Variants in CADM1 observed in about 807,000 individuals in gnomAD.
The protein encoded by CADM1 is TSLC-1.
In CADM1, 15 loss-of-function variants were observed where a neutral mutation model predicts 53.1. The observed-to-expected ratio is 0.28, with a 90% confidence interval of 0.19 to 0.44. The LOEUF (loss-of-function observed/expected upper bound fraction) is 0.44, where lower values mean the gene tolerates loss of function less well. Among genes scored for constraint, CADM1 ranks in the 20% least tolerant of loss-of-function variants. The pLI is 1.00. For synonymous variants in CADM1, 281 were observed against 243.0 expected, an observed-to-expected ratio of 1.16 and a Z score of -1.45; for missense variants, 434 against 611.3, an observed-to-expected ratio of 0.71 and a Z score of 3.06.
chr11:115,322,393 T>TA (rs1944846624), intron 1 of CADM1, among the ~76,000 whole-genome samples: 1 of 152,240 alleles, frequency 6.6e-6, no homozygotes, highest in Admixed American at 6.5e-5. Flanking sequence ...GTCAAGTATA[T>TA]ATAACACTTT....
chr11:115,217,851 C>T (rs779781667), intron 6 of CADM1, 41 bp downstream of exon 6: 3 of 1,232,136 alleles, frequency 2.4e-6, no homozygotes, highest in South Asian at 1.2e-5. Flanking sequence ...GTGACATTTA[C>T]TGCGCATGAC....
chr11:115,371,976 TATC>T (rs1946319640), intron 1 of CADM1, among the ~76,000 whole-genome samples: 1 of 152,232 alleles, frequency 6.6e-6, no homozygotes, highest in Admixed American at 6.5e-5. Flanking sequence ...TTTCATCTGA[TATC>T]ATCATACCTA....
intron 1 of CADM1, among the ~76,000 whole-genome samples, chr11:115,478,453 T>C (rs1949185536): frequency 6.6e-6 from 1 of 152,162 alleles, no homozygotes; most frequent in Non-Finnish European, 1.5e-5. Flanking sequence ...TAAACTCCTA[T>C]GTATCTAGAC....
chr11:115,332,732 T>C lies in CADM1; in HGVS notation c.125-92312A>G, dbSNP rs1390629275. Reference sequence around the variant, plus strand: ...ACGCCTCCACTGAGCAGAAGGTAGATTAGAGTGGTATGACTGATTTTTGTA... The same window carrying C: ...ACGCCTCCACTGAGCAGAAGGTAGACTAGAGTGGTATGACTGATTTTTGTA... On this transcript the variant is annotated intron_variant, in intron 1 of 11. Coordinates refer to ENST00000331581, the MANE Select transcript of CADM1 (RefSeq NM_001301043.2). 2.0e-5 allele frequency among the ~76,000 whole-genome samples: 3 copies of C among 152,076 alleles called. No homozygotes were observed. The East Asian group carries it at 5.8e-4, about 29-fold the overall frequency.
chr11:115,423,021 C>T (rs1283915320), intron 1 of CADM1, among the ~76,000 whole-genome samples: 1 of 139,066 alleles, frequency 7.2e-6, no homozygotes, highest in African/African-American at 2.5e-5. Flanking sequence ...CTAGAAAACG[C>T]TACGGTCTGT....
At chr11:115,447,240 G>A (rs1235591732) in intron 1 of CADM1, among the ~76,000 whole-genome samples, 2 of 152,126 alleles carry the variant, frequency 1.3e-5, no homozygotes, top group African/African-American at 4.8e-5. Context: ...GGAAAGACAT[G>A]GGCCTTAGAA....
intron 1 of CADM1, among the ~76,000 whole-genome samples, chr11:115,458,381 A>C (rs1313866201): frequency 1.3e-5 from 2 of 152,068 alleles, no homozygotes; most frequent in African/African-American, 4.8e-5. Context: ...CAGTAAAATG[A>C]GGATAATAGT....
At chr11:115,444,151 C>T (rs1246022426) in intron 1 of CADM1, among the ~76,000 whole-genome samples, 1 of 151,746 alleles carries the variant, frequency 6.6e-6, no homozygotes, top group East Asian at 1.9e-4. Context: ...CAAAGTAAAT[C>T]CCAACCAACA....
chr11:115,374,886 G>A (rs1051593946), intron 1 of CADM1, among the ~76,000 whole-genome samples: 4 of 151,918 alleles, frequency 2.6e-5, no homozygotes, highest in African/African-American at 4.8e-5. Context: ...TTATACTCAC[G>A]GACTTCATTT....
At chr11:115,310,314 T>C (rs1235736487) in intron 1 of CADM1, among the ~76,000 whole-genome samples, 1 of 152,106 alleles carries the variant, frequency 6.6e-6, no homozygotes, top group African/African-American at 2.4e-5. Context: ...ATAGAGTACC[T>C]GCCTTCTTAA....
At chr11:115,178,423 A>G (rs900410951) in intron 11 of CADM1, among the ~76,000 whole-genome samples, 2 of 151,968 alleles carry the variant, frequency 1.3e-5, no homozygotes, top group Non-Finnish European at 2.9e-5. Context: ...ATCCAAATCA[A>G]GGAGTGCTAC....
At chr11:115,299,695 T>C (rs1006835568) in intron 1 of CADM1, among the ~76,000 whole-genome samples, 3 of 152,138 alleles carry the variant, frequency 2.0e-5, no homozygotes, top group Non-Finnish European at 2.9e-5. Context: ...GACTCCATTA[T>C]ACATTCTTAA....
At chr11:115,446,678 T>C (rs1948457552) in intron 1 of CADM1, among the ~76,000 whole-genome samples, 2 of 152,120 alleles carry the variant, frequency 1.3e-5, no homozygotes, top group African/African-American at 4.8e-5. Flanking sequence ...ATTTGAGGTA[T>C]GAATCTATTA....
chr11:115,356,673 C>T (rs1945879845), intron 1 of CADM1, among the ~76,000 whole-genome samples: 1 of 151,966 alleles, frequency 6.6e-6, no homozygotes. Flanking sequence ...AACAGCAGTC[C>T]ATGTAAATCC....
chr11:115,173,673 A>T lies in CADM1; in HGVS notation c.*2801T>A. 1 of 468,884 alleles carries T rather than the reference A, an allele frequency of 2.1e-6. No homozygotes were observed. Among genetic ancestry groups the T allele is most frequent in the Non-Finnish European group, 2.8e-6 (1 of 361,180 alleles). The allele number at this position is 468,884 out of a possible 1,614,324, so 29.0% of individuals were successfully genotyped here. On this transcript the variant is annotated 3_prime_UTR_variant, in exon 12 of 12. Transcript: ENST00000331581. ...TTTATTAAGAAGACAGATATTTTAT[A>T]GTACTTCTTTTTTTTCTTTTTTTTT...
chr11:115,504,114 C>T (rs951301599), intron 1 of CADM1, among the ~76,000 whole-genome samples, 157 bp downstream of exon 1: 3 of 152,148 alleles, frequency 2.0e-5, no homozygotes, highest in Non-Finnish European at 2.9e-5. Context: ...CCCTCAGCCC[C>T]TTCCCTCTCA....
At chr11:115,243,991 T>G (rs990182993) in intron 1 of CADM1, among the ~76,000 whole-genome samples, 2 of 152,170 alleles carry the variant, frequency 1.3e-5, no homozygotes, top group African/African-American at 4.8e-5. Flanking sequence ...AATCGGTGTA[T>G]ATGGGTGAGG....
chr11:115,295,504 TTTTATATA>T (rs1314337074), intron 1 of CADM1, among the ~76,000 whole-genome samples: 1 of 31,886 alleles, frequency 3.1e-5, no homozygotes, highest in East Asian at 1.5e-3. Context: ...GATCAAGATA[TTTTATATA>T]TATATATATA....
chr11:115,410,796 G>C (rs1468369603), intron 1 of CADM1, among the ~76,000 whole-genome samples: 2 of 152,112 alleles, frequency 1.3e-5, no homozygotes, highest in Admixed American at 1.3e-4. Context: ...GCATTCCAGG[G>C]TGTGGCTGGC....
Sources: allele counts gnomAD v4.1 joint callset (sites outside exome capture counted in the v4.1 genomes callset), GRCh38; gene constraint gnomAD v4.1.1; transcripts MANE v1.5; gene names NCBI Gene and HGNC (gene_info 2026-07-23, HGNC 2026-07-21).